Variants in GPHN observed in about 807,000 individuals in gnomAD.
GPHN encodes the protein gephyrin.
GPHN carries 17 observed loss-of-function variants against 95.5 expected under a neutral mutation model. That is an observed-to-expected ratio of 0.18 (90% CI 0.12 to 0.27). The LOEUF (loss-of-function observed/expected upper bound fraction) is 0.27, where lower values mean the gene tolerates loss of function less well. GPHN is among the 10% of genes least tolerant of loss of function. GPHN has a pLI of 1.00. For missense variants in GPHN, 660 were observed against 978.1 expected (o/e 0.67, Z 4.34); for synonymous variants, 320 against 322.5 (o/e 0.99, Z 0.08).
At chr14:67,503,734 AGCTCTGT>A in the GPHN span, among the ~76,000 whole-genome samples, 1 of 151,808 alleles carries the variant, frequency 6.6e-6, no homozygotes, top group Non-Finnish European at 1.5e-5. Flanking sequence ...GACAGAGTCT[AGCTCTGT>A]CACCCAGGCT....
At position 66,966,627 on chromosome 14, in the gene GPHN, A is replaced by G. The variant is rs982005508; in HGVS notation, c.963+1302A>G. On this transcript the variant is annotated intron_variant, in intron 9 of 22. Coordinates refer to ENST00000478722, the MANE Select transcript of GPHN (RefSeq NM_020806.5). ...ACAAAGTAACTTACAGTTTGACTGC[A>G]TTAAAATCCAGTTGTACCAGCTAAA... Among the ~76,000 whole-genome samples, 6 of 152,106 alleles carry G rather than the reference A, an allele frequency of 3.9e-5. 1 individual carries two copies. The highest frequency in any genetic ancestry group is 2.4e-5 in the African/African-American group (1 of 41,574).
the GPHN span, among the ~76,000 whole-genome samples, chr14:67,730,965 C>T: frequency 1.3e-5 from 2 of 152,028 alleles, no homozygotes; most frequent in Non-Finnish European, 2.9e-5. Flanking sequence ...TAAGTTATCT[C>T]ATTTTATATT....
chr14:66,881,706 T>C (rs1287123236), intron 5 of GPHN, among the ~76,000 whole-genome samples: 1 of 151,880 alleles, frequency 6.6e-6, no homozygotes, highest in Non-Finnish European at 1.5e-5. Flanking sequence ...TCAAAAGGTT[T>C]TCCTGAATTA....
the GPHN span, among the ~76,000 whole-genome samples, chr14:67,701,725 T>A: frequency 6.6e-6 from 1 of 152,120 alleles, no homozygotes; most frequent in African/African-American, 2.4e-5. Flanking sequence ...CCAGGCCTAT[T>A]ATGATTTCTG....
intron 3 of GPHN, among the ~76,000 whole-genome samples, chr14:66,789,854 T>A (rs1246643501): frequency 1.3e-5 from 2 of 152,154 alleles, no homozygotes; most frequent in African/African-American, 4.8e-5. Flanking sequence ...ATAACTGACA[T>A]TAGCTATCCC....
At chr14:67,598,713 C>CTTTTTT in the GPHN span, among the ~76,000 whole-genome samples, 3 of 144,384 alleles carry the variant, frequency 2.1e-5, no homozygotes, top group Non-Finnish European at 3.0e-5. Context: ...TATGAACAAA[C>CTTTTTT]TTTTTTTTTT....
chr14:67,557,501 A>G, the GPHN span: 1 of 1,368,482 alleles, frequency 7.3e-7, no homozygotes, highest in Non-Finnish European at 1.0e-6. Context: ...TGTTCCGCTC[A>G]AGCCCTCTAG....
At chr14:66,960,769 C>G (rs1318204730) in intron 8 of GPHN, among the ~76,000 whole-genome samples, 2 of 152,052 alleles carry the variant, frequency 1.3e-5, no homozygotes, top group Non-Finnish European at 2.9e-5. Context: ...ATAGAACCTT[C>G]TCAGGTCTTT....
chr14:66,809,824 C>T (rs1323718187), intron 3 of GPHN, among the ~76,000 whole-genome samples: 7 of 152,058 alleles, frequency 4.6e-5, no homozygotes, highest in Non-Finnish European at 7.4e-5. Context: ...GCAACACTTT[C>T]GAGTATAAAC....
At chr14:67,671,584 CTT>C in the GPHN span, among the ~76,000 whole-genome samples, 2 of 152,244 alleles carry the variant, frequency 1.3e-5, no homozygotes, top group East Asian at 1.9e-4. Flanking sequence ...TGATTGTCCT[CTT>C]TGCAGGATGG....
At chr14:66,564,902 G>GAACTAGTA (rs1157539337) in intron 1 of GPHN, among the ~76,000 whole-genome samples, 9 of 152,078 alleles carry the variant, frequency 5.9e-5, no homozygotes, top group Admixed American at 5.9e-4. Context: ...TGGATCTTGG[G>GAACTAGTA]AATATGGCCT....
chr14:67,128,518 C>G (rs761962375), intron 17 of GPHN, among the ~76,000 whole-genome samples: 6 of 152,126 alleles, frequency 3.9e-5, no homozygotes, highest in Non-Finnish European at 8.8e-5. Flanking sequence ...AGCAACTGAA[C>G]AAACATATAT....
At chr14:66,999,779 C>T (rs1240716715) in intron 9 of GPHN, among the ~76,000 whole-genome samples, 3 of 151,744 alleles carry the variant, frequency 2.0e-5, no homozygotes, top group African/African-American at 7.2e-5. Context: ...TAGTATAAAC[C>T]AAAGCCAGAA....
the GPHN span, among the ~76,000 whole-genome samples, chr14:67,308,821 C>T: frequency 7.2e-4 from 109 of 152,166 alleles, no homozygotes; most frequent in Non-Finnish European, 1.3e-3. Flanking sequence ...CTTACTATCC[C>T]AAATTACAAT....
chr14:67,085,758 A>AAGTGTATGGT (rs1390138568), intron 11 of GPHN, among the ~76,000 whole-genome samples: 1 of 152,238 alleles, frequency 6.6e-6, no homozygotes, highest in Non-Finnish European at 1.5e-5. Flanking sequence ...ATGGTTCAAT[A>AAGTGTATGGT]GCATTAAGTA....
chr14:67,095,608 G>A (rs931896838), intron 12 of GPHN, among the ~76,000 whole-genome samples: 8 of 150,522 alleles, frequency 5.3e-5, no homozygotes, highest in Non-Finnish European at 8.9e-5. Context: ...CATAAAAAAC[G>A]ATGAGTTCAT....
chr14:67,445,577 C>CTTTTTTTTTTTT, the GPHN span, among the ~76,000 whole-genome samples: 55 of 59,936 alleles, frequency 9.2e-4, 8 homozygotes, highest in African/African-American at 1.3e-3. Context: ...AGAGGCAATT[C>CTTTTTTTTTTTT]TTTTTTTTTT....
chr14:66,985,719 G>A (rs561979112), intron 9 of GPHN: 9 of 1,529,462 alleles, frequency 5.9e-6, no homozygotes, highest in Non-Finnish European at 7.9e-6. Context: ...GGAGTTGCTA[G>A]TAGAGTTGGA....
chr14:67,525,912 T>C, the GPHN span, among the ~76,000 whole-genome samples: 3 of 152,074 alleles, frequency 2.0e-5, no homozygotes, highest in Non-Finnish European at 4.4e-5. Flanking sequence ...CATCTGAGAG[T>C]TTCCCCAATG....
Sources: gnomAD v4.1 joint callset for allele counts (sites outside exome capture counted in the v4.1 genomes callset) on GRCh38, gnomAD v4.1.1 for gene constraint, MANE v1.5 for transcripts, NCBI Gene and HGNC (gene_info 2026-07-23, HGNC 2026-07-21) for gene names.